The following CAST variants were observed in gnomAD, a reference collection of about 807,000 sequenced individuals.
CAST encodes MIR583 host.
CAST carries 76 observed loss-of-function variants against 119.6 expected under a neutral mutation model. The ratio of observed to expected loss-of-function variants is 0.64; its 90% CI spans 0.53 to 0.77. The LOEUF (loss-of-function observed/expected upper bound fraction) is 0.77. CAST is among the 30% of genes least tolerant of loss of function. The probability of loss-of-function intolerance (pLI) is 0.00; values close to 1 mark genes in which losing one functional copy is unlikely to be tolerated. For missense variants in CAST, 953 were observed against 946.5 expected, an observed-to-expected ratio of 1.01 and a Z score of -0.09; for synonymous variants, 319 against 331.6, an observed-to-expected ratio of 0.96 and a Z score of 0.41.
chr5:96,012,960 T>G, the CAST span, among the ~76,000 whole-genome samples: 1 of 152,156 alleles, frequency 6.6e-6, no homozygotes. Context: ...GCAGAGTTAT[T>G]CCAGGCACTG....
the CAST span, among the ~76,000 whole-genome samples, chr5:96,283,129 CAAAAA>C: frequency 4.1e-5 from 1 of 24,322 alleles, no homozygotes; most frequent in Non-Finnish European, 8.4e-5. Context: ...GACTCCGTCT[CAAAAA>C]AAAAAAAAAA....
chr5:96,298,881 T>A, the CAST span, among the ~76,000 whole-genome samples: 6 of 150,946 alleles, frequency 4.0e-5, no homozygotes, highest in East Asian at 9.8e-4. Flanking sequence ...ATTAGGAGAG[T>A]GTGTGTGTGT....
intron 1 of CAST, among the ~76,000 whole-genome samples, chr5:96,534,086 C>G (rs1469953537): frequency 1.3e-5 from 2 of 152,140 alleles, no homozygotes; most frequent in South Asian, 2.1e-4. Context: ...CAGTATGAAC[C>G]TGACAGGTTC....
At chr5:96,299,117 C>T in the CAST span, among the ~76,000 whole-genome samples, 13 of 151,878 alleles carry the variant, frequency 8.6e-5, no homozygotes, top group Admixed American at 1.3e-4. Flanking sequence ...TGGTGGTGGG[C>T]ACCTGTAATC....
chr5:96,316,568 G>A, the CAST span, among the ~76,000 whole-genome samples: 1 of 152,304 alleles, frequency 6.6e-6, no homozygotes, highest in East Asian at 1.9e-4. Flanking sequence ...AATGTGCAGA[G>A]GAGATCAAAA....
the CAST span, among the ~76,000 whole-genome samples, chr5:96,431,304 C>T: frequency 6.6e-6 from 1 of 152,240 alleles, no homozygotes; most frequent in African/African-American, 2.4e-5. Flanking sequence ...TCTCCGATCT[C>T]ATTATGTGCT....
intron 1 of CAST, among the ~76,000 whole-genome samples, chr5:96,539,178 G>A (rs1184500238): frequency 6.6e-6 from 1 of 152,130 alleles, no homozygotes; most frequent in Non-Finnish European, 1.5e-5. Flanking sequence ...AGTGTTCAAA[G>A]TTCAGGGATA....
chr5:96,047,214 A>C, the CAST span, among the ~76,000 whole-genome samples: 1 of 152,236 alleles, frequency 6.6e-6, no homozygotes, highest in Non-Finnish European at 1.5e-5. Flanking sequence ...ATAAGCCTCA[A>C]GAATCATCAT....
the CAST span, among the ~76,000 whole-genome samples, chr5:96,518,632 G>T: frequency 2.0e-5 from 3 of 152,172 alleles, no homozygotes; most frequent in Non-Finnish European, 4.4e-5. Context: ...GGGATTCCTG[G>T]TGACCGTAGC....
intron 1 of CAST, among the ~76,000 whole-genome samples, chr5:96,570,523 G>A (rs1450526873): frequency 6.6e-6 from 1 of 152,054 alleles, no homozygotes; most frequent in Non-Finnish European, 1.5e-5. Flanking sequence ...AGGGAGAAAA[G>A]CCAAGAAAAA....
the CAST span, among the ~76,000 whole-genome samples, chr5:96,485,584 A>C: frequency 1.3e-5 from 2 of 152,150 alleles, no homozygotes; most frequent in African/African-American, 4.8e-5. Flanking sequence ...ACACCCAAAT[A>C]TGAATAGTTC....
chr5:96,743,717 A>G, intron 16 of CAST: 1 of 1,609,520 alleles, frequency 6.2e-7, no homozygotes, highest in South Asian at 1.1e-5. Flanking sequence ...CAGAGGAGCA[A>G]GAGAAGCAGT....
chr5:96,028,815 A>T, the CAST span, among the ~76,000 whole-genome samples: 1 of 152,102 alleles, frequency 6.6e-6, no homozygotes, highest in South Asian at 2.1e-4. Context: ...TGTAAAAAGT[A>T]TAGGTTTTTA....
At chr5:96,442,532 G>A in the CAST span, among the ~76,000 whole-genome samples, 1,117 of 152,322 alleles carry the variant, frequency 7.3e-3, 10 homozygotes, top group African/African-American at 0.026. Context: ...TGGAAACTAC[G>A]TGAGTTAAAT....
chr5:96,290,986 C>T, the CAST span, among the ~76,000 whole-genome samples: 1 of 152,330 alleles, frequency 6.6e-6, no homozygotes, highest in South Asian at 2.1e-4. Context: ...ATCTCTCCCT[C>T]TGGAGGAAAA....
intron 22 of CAST, 126 bp downstream of exon 22, chr5:96,754,867 A>G (rs541837083): frequency 1.6e-6 from 1 of 630,984 alleles, no homozygotes; most frequent in East Asian, 2.8e-5. Flanking sequence ...AACACCAAAT[A>G]GTATTAGTCT....
At chr5:96,684,229 T>TAC (rs1751783602) in intron 2 of CAST, among the ~76,000 whole-genome samples, 1 of 152,228 alleles carries the variant, frequency 6.6e-6, no homozygotes, top group Admixed American at 6.5e-5. Flanking sequence ...ACCATCCATA[T>TAC]GTAGTGTCTA....
At chr5:96,587,505 A>T (rs947728471) in intron 1 of CAST, among the ~76,000 whole-genome samples, 2 of 152,224 alleles carry the variant, frequency 1.3e-5, no homozygotes, top group African/African-American at 2.4e-5. Context: ...TTTGAATATC[A>T]TCTTTGTGAT....
Position 96,695,915 on chromosome 5 carries a change from A to T in CAST, c.210+8A>T. 6.2e-7 allele frequency: 1 copy of T among 1,607,036 alleles called. No individual in the cohort carries two copies. Among genetic ancestry groups the T allele is most frequent in the South Asian group, 1.1e-5 (1 of 90,462 alleles). Reference sequence around the variant, plus strand: ...ACAGCCTCGGCCACCAAGGTCAGTGATTTCCTGAACACGAAAAGACCCCTA... The same window carrying T: ...ACAGCCTCGGCCACCAAGGTCAGTGTTTTCCTGAACACGAAAAGACCCCTA... On this transcript the variant is annotated splice_region_variant and intron_variant, in intron 3 of 31. Transcript: ENST00000675179.
Sources: allele counts gnomAD v4.1 joint callset (sites outside exome capture counted in the v4.1 genomes callset), GRCh38; gene constraint gnomAD v4.1.1; transcripts MANE v1.5; gene names NCBI Gene and HGNC (gene_info 2026-07-23, HGNC 2026-07-21).